Variants in FAR2 observed in about 807,000 individuals in gnomAD.
FAR2 encodes fatty acyl-CoA reductase 2.
FAR2 carries 19 observed loss-of-function variants against 56.0 expected under a neutral mutation model. That is an observed-to-expected ratio of 0.34 (90% CI 0.24 to 0.50). The LOEUF (loss-of-function observed/expected upper bound fraction) is 0.50. Among genes scored for constraint, FAR2 ranks in the 20% least tolerant of loss-of-function variants. FAR2 has a pLI of 0.98. For synonymous variants in FAR2, 219 were observed against 218.8 expected (o/e 1.00, Z -0.01); for missense variants, 508 against 642.2 (o/e 0.79, Z 2.26).
chr12:29,180,887 C>A (rs553787117), intron 1 of FAR2, among the ~76,000 whole-genome samples: 1 of 152,052 alleles, frequency 6.6e-6, no homozygotes, highest in Non-Finnish European at 1.5e-5. Flanking sequence ...TCTCATAATC[C>A]TTCTGTGTAC....
chr12:29,204,261 A>G (rs1947453639), intron 1 of FAR2, among the ~76,000 whole-genome samples: 1 of 152,046 alleles, frequency 6.6e-6, no homozygotes, highest in African/African-American at 2.4e-5. Context: ...CCTCTAAACC[A>G]GGACTATGTT....
At chr12:29,153,661 G>C (rs945577589) in intron 1 of FAR2, among the ~76,000 whole-genome samples, 158 of 152,318 alleles carry the variant, frequency 1.0e-3, no homozygotes, top group African/African-American at 3.8e-3. Context: ...TGAACTGGAG[G>C]GATAAAGGAT....
intron 1 of FAR2, among the ~76,000 whole-genome samples, chr12:29,238,138 G>A (rs941321396): frequency 6.6e-6 from 1 of 152,044 alleles, no homozygotes; most frequent in Non-Finnish European, 1.5e-5. Flanking sequence ...ATTATCAAAG[G>A]AGAATATCCA....
rs566238556 is a variant in FAR2 at position 29,216,704 on chromosome 12, C to G, written c.-38-53708C>G. Among the ~76,000 whole-genome samples the G allele has an allele frequency of 8.2e-4, 125 of 152,276 alleles. 1 individual carries two copies. In the Middle Eastern group the frequency reaches 0.017, roughly 21 times the overall value. On this transcript the variant is annotated intron_variant, in intron 1 of 11. Transcript: ENST00000536681. ...CTTTTCAGGGGTTTTATTTTTCTTT[C>G]TGACAGCCCAGAACATATAGCATTT...
intron 2 of FAR2, among the ~76,000 whole-genome samples, chr12:29,287,336 T>C (rs1419450407): frequency 6.6e-6 from 1 of 152,238 alleles, no homozygotes; most frequent in East Asian, 1.9e-4. Flanking sequence ...ACGTCTAGAT[T>C]AATCCTTTAC....
chr12:29,200,935 C>G (rs1442682139), intron 1 of FAR2, among the ~76,000 whole-genome samples: 2 of 152,116 alleles, frequency 1.3e-5, no homozygotes, highest in African/African-American at 4.8e-5. Flanking sequence ...CTATAAGCGG[C>G]TCGAACACAG....
chr12:29,199,354 C>T (rs1216955768), intron 1 of FAR2, among the ~76,000 whole-genome samples: 3 of 152,106 alleles, frequency 2.0e-5, no homozygotes, highest in Non-Finnish European at 4.4e-5. Flanking sequence ...AATCCCAGCA[C>T]TTTGGGAGGC....
intron 2 of FAR2, among the ~76,000 whole-genome samples, chr12:29,272,836 T>C (rs957172683): frequency 2.6e-5 from 4 of 152,158 alleles, no homozygotes; most frequent in Non-Finnish European, 5.9e-5. Context: ...CTTTTTGTTG[T>C]TGTTGTTCTT....
chr12:29,258,754 C>T (rs1241951418), intron 1 of FAR2, among the ~76,000 whole-genome samples: 2 of 152,296 alleles, frequency 1.3e-5, no homozygotes, highest in East Asian at 3.9e-4. Context: ...TCTCAGCTGA[C>T]CCTATGCTGG....
intron 1 of FAR2, among the ~76,000 whole-genome samples, chr12:29,204,654 G>A (rs938970583): frequency 2.0e-5 from 3 of 152,046 alleles, no homozygotes; most frequent in East Asian, 1.9e-4. Context: ...ATTGGCTCAC[G>A]GTTCTGCAGG....
chr12:29,333,994 A>G lies in FAR2; in HGVS notation c.*200A>G, dbSNP rs1949767025. ...GTTGTAAACTAGCCCATAGTCACCTATATTTTAGGGAAAAAAATCCAAATT... is the reference window on the plus strand; with the variant it reads ...GTTGTAAACTAGCCCATAGTCACCTGTATTTTAGGGAAAAAAATCCAAATT... On this transcript the variant is annotated 3_prime_UTR_variant, in exon 12 of 12. Transcript: ENST00000536681. The G allele has an allele frequency of 2.3e-6, 1 of 442,674 alleles. No individual in the cohort carries two copies. Among genetic ancestry groups the G allele is most frequent in the Non-Finnish European group, 3.9e-6 (1 of 257,400 alleles). The allele number at this position is 442,674 out of a possible 1,614,324, so 27.4% of individuals were successfully genotyped here. A position where few individuals can be genotyped will look rare whatever the true frequency, so the allele number is the denominator to read the frequency against.
At chr12:29,285,209 C>T (rs200028030) in intron 2 of FAR2, among the ~76,000 whole-genome samples, 51 of 67,930 alleles carry the variant, frequency 7.5e-4, no homozygotes, top group Non-Finnish European at 1.3e-3. Context: ...GTTCATGCTT[C>T]GCTGTATAAA....
chr12:29,218,116 G>T (rs1013676329), intron 1 of FAR2, among the ~76,000 whole-genome samples: 4 of 152,036 alleles, frequency 2.6e-5, no homozygotes, highest in Non-Finnish European at 1.5e-5. Context: ...CAGCAGTTTG[G>T]GAGGCCAAGG....
At chr12:29,227,163 T>C (rs2136645787) in intron 1 of FAR2, among the ~76,000 whole-genome samples, 1 of 152,350 alleles carries the variant, frequency 6.6e-6, no homozygotes. Context: ...TACGTGCCTA[T>C]AATTGTTATA....
chr12:29,173,823 A>G (rs1407305334), intron 1 of FAR2, among the ~76,000 whole-genome samples: 1 of 152,112 alleles, frequency 6.6e-6, no homozygotes, highest in Non-Finnish European at 1.5e-5. Context: ...GCACTCACCT[A>G]CGCAGCAGCA....
intron 1 of FAR2, among the ~76,000 whole-genome samples, chr12:29,258,482 G>T (rs1948364225): frequency 1.3e-5 from 2 of 152,170 alleles, no homozygotes; most frequent in African/African-American, 4.8e-5. Context: ...ATTATTGAAA[G>T]AATTTCAATG....
At chr12:29,194,108 G>C (rs916863871) in intron 1 of FAR2, among the ~76,000 whole-genome samples, 2 of 152,148 alleles carry the variant, frequency 1.3e-5, no homozygotes, top group Non-Finnish European at 2.9e-5. Flanking sequence ...ATTTAAGCTT[G>C]CTCATCCTAA....
chr12:29,329,442 A>G (rs150199499), intron 10 of FAR2, among the ~76,000 whole-genome samples: 19 of 152,350 alleles, frequency 1.2e-4, no homozygotes, highest in African/African-American at 4.6e-4. Context: ...TCTCAAAAAT[A>G]TCTTAGCAAA....
intron 2 of FAR2, among the ~76,000 whole-genome samples, chr12:29,284,435 G>A (rs1948838230): frequency 6.6e-6 from 1 of 152,186 alleles, no homozygotes; most frequent in South Asian, 2.1e-4. Flanking sequence ...CAAAGACAGA[G>A]CTAGGCAGGT....
Sources: allele counts gnomAD v4.1 joint callset (sites outside exome capture counted in the v4.1 genomes callset), GRCh38; gene constraint gnomAD v4.1.1; transcripts MANE v1.5; gene names NCBI Gene and HGNC (gene_info 2026-07-23, HGNC 2026-07-21).